LIPH: variants seen among roughly 807,000 people sequenced by gnomAD.
LIPH encodes lipase member H.
A neutral mutation model predicts 47.6 loss-of-function variants in LIPH; 32 were observed. The observed-to-expected ratio is 0.67, with a 90% CI of 0.51 to 0.90. The LOEUF is 0.90. Among genes scored for constraint, LIPH ranks in the 40% least tolerant of loss-of-function variants. The pLI, the probability that LIPH is intolerant of heterozygous loss-of-function variation, is 0.00. For missense variants in LIPH, 497 were observed against 541.4 expected, an observed-to-expected ratio of 0.92 and a Z score of 0.81; for synonymous variants, 190 against 195.6, an observed-to-expected ratio of 0.97 and a Z score of 0.24.
At chr3:185,531,587 A>C (rs933981498) in intron 3 of LIPH, among the ~76,000 whole-genome samples, 2 of 150,884 alleles carry the variant, frequency 1.3e-5, no homozygotes, top group Admixed American at 6.6e-5. Context: ...GAAGACTTAT[A>C]AAAGGACTCC....
At chr3:185,524,906 A>G (rs1396187259) in intron 4 of LIPH, among the ~76,000 whole-genome samples, 1 of 152,194 alleles carries the variant, frequency 6.6e-6, no homozygotes, top group African/African-American at 2.4e-5. Flanking sequence ...TGGTAAAAAG[A>G]TTGGAACTAC....
Position 185,514,381 on chromosome 3 carries a change from G to A in LIPH, c.1094+29C>T, listed in dbSNP as rs1837882. On this transcript the variant is annotated intron_variant, in intron 8 of 9. Coordinates refer to ENST00000296252, the MANE Select transcript of LIPH (RefSeq NM_139248.3). ...TTCTCTGAGCAAAAAGGGAAATAGC[G>A]CACTGCAAACAATTGTAACTCAACT... The A allele has an allele frequency of 0.42, 380,808 of 907,282 alleles. 82,042 individuals are homozygous for A. Among genetic ancestry groups the A allele is most frequent in the Non-Finnish European group, 0.45 (242,534 of 534,718 alleles). 56.2% of individuals were successfully genotyped at this position (907,282 alleles called of 1,614,324 possible). A position where few individuals can be genotyped will look rare whatever the true frequency, so the allele number is the denominator to read the frequency against.
chr3:185,518,444 T>C (rs954918100), intron 6 of LIPH, among the ~76,000 whole-genome samples: 3 of 151,938 alleles, frequency 2.0e-5, no homozygotes, highest in African/African-American at 7.3e-5. Flanking sequence ...CATGCCCAGC[T>C]AATTTTTTTG....
chr3:185,521,561 T>C (rs1719900319), intron 5 of LIPH, among the ~76,000 whole-genome samples: 1 of 152,178 alleles, frequency 6.6e-6, no homozygotes, highest in Non-Finnish European at 1.5e-5. Flanking sequence ...TTTTCATTCA[T>C]GTCAAAGGCA....
At chr3:185,519,728 C>G (rs918757105) in intron 5 of LIPH, among the ~76,000 whole-genome samples, 1 of 148,342 alleles carries the variant, frequency 6.7e-6, no homozygotes, top group Non-Finnish European at 1.5e-5. Flanking sequence ...CCCAACTACT[C>G]AGGAGGCTAA....
At chr3:185,515,578 G>A (rs1429694470) in intron 7 of LIPH, among the ~76,000 whole-genome samples, 2 of 151,810 alleles carry the variant, frequency 1.3e-5, no homozygotes, top group Non-Finnish European at 2.9e-5. Context: ...GCGTAATCTC[G>A]GTTCACGGCA....
rs903509484 is a variant in LIPH at position 185,506,979 on chromosome 3, C to T, written c.*1811G>A. 1.3e-5 allele frequency: 2 copies of T among 151,924 alleles called. No homozygotes were observed. Among genetic ancestry groups the T allele is most frequent in the African/African-American group, 4.8e-5 (2 of 41,376 alleles). The allele number at this position is 151,924 out of a possible 1,614,324, so 9.4% of individuals were successfully genotyped here. On this transcript the variant is annotated 3_prime_UTR_variant, in exon 10 of 10. Transcript: ENST00000296252. The stretch of plus-strand genomic sequence containing the variant: ...CCACTCAGAGTTCAGTCATCCCTCA[C>T]TTAAATAAAACAGACTCTGTATTTG...
intron 7 of LIPH, among the ~76,000 whole-genome samples, chr3:185,515,761 C>T (rs767945067): frequency 6.6e-6 from 1 of 152,152 alleles, no homozygotes; most frequent in Non-Finnish European, 1.5e-5. Context: ...AAACTCCTGG[C>T]CTCAAGTGAT....
intron 1 of LIPH, among the ~76,000 whole-genome samples, chr3:185,548,421 A>G (rs572344926): frequency 6.6e-6 from 1 of 151,166 alleles, no homozygotes; most frequent in Non-Finnish European, 1.5e-5. Context: ...AGGAAAAAAA[A>G]AACAACAAAA....
chr3:185,519,836 C>CAAAAAA (rs145391972), intron 5 of LIPH, among the ~76,000 whole-genome samples: 2 of 53,830 alleles, frequency 3.7e-5, no homozygotes, highest in African/African-American at 1.6e-4. Flanking sequence ...CACTCCATCT[C>CAAAAAA]AAAAAAAAAA....
chr3:185,542,968 G>A (rs1720758309), intron 1 of LIPH, among the ~76,000 whole-genome samples: 1 of 152,102 alleles, frequency 6.6e-6, no homozygotes, highest in Non-Finnish European at 1.5e-5. Context: ...AGCACTTTGG[G>A]AGGCCAAGGC....
intron 1 of LIPH, among the ~76,000 whole-genome samples, chr3:185,546,234 C>T (rs1004241902): frequency 1.3e-5 from 2 of 151,898 alleles, no homozygotes; most frequent in African/African-American, 2.4e-5. Context: ...CACCTGTAAT[C>T]CCAGCTACTC....
chr3:185,540,725 CAAAAAA>C (rs550173961), intron 1 of LIPH, among the ~76,000 whole-genome samples: 2 of 86,132 alleles, frequency 2.3e-5, no homozygotes, highest in African/African-American at 8.4e-5. Context: ...CTCAAAGAAC[CAAAAAA>C]AAAAAAAAAA....
chr3:185,534,868 A>T lies in LIPH; in HGVS notation c.314T>A (p.Val105Asp). The T allele has an allele frequency of 6.2e-7, 1 of 1,614,222 alleles. No individual in the cohort carries two copies. The highest frequency in any genetic ancestry group is 8.5e-7 in the Non-Finnish European group (1 of 1,180,024). The part of the protein sequence containing the change: ...LLSVEDMNVV[V>D]VDWNRGATTL... ...TGTAGCTCCTCGATTCCAATCAACA[A>T]CAACTACGTTCATGTCTTCAACAGA... is the stretch of plus-strand genomic sequence containing the variant. The change falls in exon 2 of 10, where the codon GTT becomes GAT. Residue 105 changes from valine (V) to aspartate (D), a missense_variant. By Grantham distance (152) the Val-to-Asp change is radical. Transcript: ENST00000296252.
chr3:185,531,994 T>A (rs1488216728), intron 3 of LIPH, among the ~76,000 whole-genome samples: 1 of 151,882 alleles, frequency 6.6e-6, no homozygotes, highest in East Asian at 1.9e-4. Flanking sequence ...CATGAGCTAC[T>A]GCACCCAGCC....
rs1719569123 is a variant in LIPH, at chr3:185,511,635, A to G, written c.1157T>C (p.Leu386Pro). Residue 386 changes from leucine (L) to proline (P), a missense_variant, in exon 9 of 10, where the codon CTG (leucine) becomes CCG (proline). By Grantham distance (98) the Leu-to-Pro change is moderately conservative. Coordinates refer to ENST00000296252, the MANE Select transcript of LIPH (RefSeq NM_139248.3). ...CAAGGAAATTGCAGCCACTTTATCC[A>G]GATCTTGATTAAATCTTGCAAGTAG... Reference protein sequence around the residue: ...VSLLARFNQDLDKVAAISLMF... With the variant: ...VSLLARFNQDPDKVAAISLMF... 2 of 1,613,364 alleles carry G rather than the reference A, an allele frequency of 1.2e-6. No individual in the cohort carries two copies. The highest frequency in any genetic ancestry group is 3.3e-5 in the Admixed American group (2 of 59,990).
At chr3:185,526,693 T>TAAATA (rs1443961387) in intron 4 of LIPH, among the ~76,000 whole-genome samples, 2 of 123,610 alleles carry the variant, frequency 1.6e-5, no homozygotes, top group African/African-American at 3.1e-5. Context: ...TAATATAAAA[T>TAAATA]AAATAAAATA....
intron 8 of LIPH, among the ~76,000 whole-genome samples, chr3:185,513,022 T>C (rs1357149660): frequency 6.6e-6 from 1 of 152,048 alleles, no homozygotes. Context: ...TGGAAACCCG[T>C]GTGCCAGAAA....
At chr3:185,531,648 C>G (rs189033928) in intron 3 of LIPH, among the ~76,000 whole-genome samples, 2 of 151,658 alleles carry the variant, frequency 1.3e-5, no homozygotes, top group African/African-American at 4.8e-5. Context: ...TGGGGGACCA[C>G]CGCAGGAGGA....
Sources: allele counts gnomAD v4.1 joint callset (sites outside exome capture counted in the v4.1 genomes callset), GRCh38; gene constraint gnomAD v4.1.1; transcripts MANE v1.5; gene names NCBI Gene and HGNC (gene_info 2026-07-23, HGNC 2026-07-21).